The following ASIC2 variants were observed in gnomAD, a reference collection of about 807,000 sequenced individuals.
ASIC2 encodes the protein acid sensing ion channel subunit 2, also known as acid-sensing ion channel 2.
Under a neutral mutation model 57.3 loss-of-function variants are expected in ASIC2, and 25 were observed. That is an observed-to-expected ratio of 0.44 (90% CI 0.32 to 0.61). ASIC2 has a LOEUF of 0.61. ASIC2 is among the 20% of genes least tolerant of loss of function. The probability of loss-of-function intolerance (pLI) is 0.06; values close to 1 mark genes in which losing one functional copy is unlikely to be tolerated. For missense variants in ASIC2, 641 were observed against 738.1 expected (o/e 0.87, Z 1.52); for synonymous variants, 319 against 307.5 (o/e 1.04, Z -0.39).
chr17:33,369,350 T>A (rs575213737), intron 1 of ASIC2, among the ~76,000 whole-genome samples: 2 of 152,322 alleles, frequency 1.3e-5, no homozygotes, highest in South Asian at 4.1e-4. Flanking sequence ...AGTCACCTAA[T>A]TGGAACAAGC....
At chr17:33,829,679 C>A (rs1053448261) in intron 1 of ASIC2, among the ~76,000 whole-genome samples, 9 of 151,494 alleles carry the variant, frequency 5.9e-5, no homozygotes, top group African/African-American at 1.9e-4. Context: ...CAGCTTCAAG[C>A]GATTCTCCTG....
chr17:33,849,187 C>T (rs1254899618), intron 1 of ASIC2, among the ~76,000 whole-genome samples: 1 of 152,184 alleles, frequency 6.6e-6, no homozygotes. Flanking sequence ...AGGTGAGATC[C>T]TGTGCTGAGT....
chr17:33,393,106 G>A (rs1022926853), intron 1 of ASIC2, among the ~76,000 whole-genome samples: 8 of 152,002 alleles, frequency 5.3e-5, no homozygotes, highest in African/African-American at 1.2e-4. Context: ...TGCCTTGTCC[G>A]GTTCATTCTG....
intron 1 of ASIC2, among the ~76,000 whole-genome samples, chr17:33,366,494 T>C (rs1908815082): frequency 6.6e-6 from 1 of 152,246 alleles, no homozygotes; most frequent in South Asian, 2.1e-4. Flanking sequence ...CTCCTACTCA[T>C]GACTCAAAAC....
intron 1 of ASIC2, chr17:33,984,177 G>A (rs1254664372): frequency 6.6e-6 from 1 of 152,214 alleles, no homozygotes; most frequent in East Asian, 1.9e-4. Flanking sequence ...GGAGGGGAGT[G>A]GACACTCACC....
intron 9 of ASIC2, 35 bp downstream of exon 9, chr17:33,015,936 A>G (rs746018164): frequency 1.0e-4 from 164 of 1,611,842 alleles, no homozygotes; most frequent in Non-Finnish European, 1.2e-4. Flanking sequence ...AAGCCAGAGC[A>G]GCAGAACAAC....
intron 1 of ASIC2, among the ~76,000 whole-genome samples, chr17:33,263,367 G>T (rs546693749): frequency 1.3e-5 from 2 of 152,228 alleles, no homozygotes; most frequent in East Asian, 3.8e-4. Context: ...GGCTGCAATT[G>T]TGGGTTTTTT....
chr17:33,496,180 A>G (rs924911884), intron 1 of ASIC2, among the ~76,000 whole-genome samples: 2 of 152,208 alleles, frequency 1.3e-5, no homozygotes, highest in Non-Finnish European at 2.9e-5. Flanking sequence ...AGCCATGGGC[A>G]TTGTCTAGGA....
At chr17:33,041,951 C>T (rs910736779) in intron 3 of ASIC2, among the ~76,000 whole-genome samples, 1 of 152,152 alleles carries the variant, frequency 6.6e-6, no homozygotes, top group African/African-American at 2.4e-5. Context: ...TGTGCCTTGT[C>T]AGCTCCCCTC....
intron 1 of ASIC2, among the ~76,000 whole-genome samples, chr17:33,150,297 C>T (rs1448670555): frequency 6.6e-6 from 1 of 152,208 alleles, no homozygotes. Context: ...GATTCCCTCC[C>T]ACCACCTGCC....
intron 1 of ASIC2, among the ~76,000 whole-genome samples, chr17:33,884,487 C>T (rs970168392): frequency 6.6e-6 from 1 of 152,100 alleles, no homozygotes; most frequent in African/African-American, 2.4e-5. Flanking sequence ...CTGATGGATT[C>T]AGACTCTGAA....
At chr17:33,814,596 G>A (rs576555845) in intron 1 of ASIC2, among the ~76,000 whole-genome samples, 5 of 152,344 alleles carry the variant, frequency 3.3e-5, no homozygotes, top group Admixed American at 1.3e-4. Context: ...TTCTACATTG[G>A]GTGTACAAGT....
At chr17:33,621,006 C>T (rs1419870960) in intron 1 of ASIC2, among the ~76,000 whole-genome samples, 1 of 152,052 alleles carries the variant, frequency 6.6e-6, no homozygotes, top group Non-Finnish European at 1.5e-5. Context: ...CTTGCTGTTT[C>T]CTCCTCCAGG....
chr17:33,723,897 A>G (rs1909463374), intron 1 of ASIC2, among the ~76,000 whole-genome samples: 1 of 152,202 alleles, frequency 6.6e-6, no homozygotes, highest in African/African-American at 2.4e-5. Flanking sequence ...CAACAAAAAT[A>G]AAGAATTTTC....
chr17:33,060,973 G>A (rs1208016475), intron 3 of ASIC2, among the ~76,000 whole-genome samples: 1 of 152,094 alleles, frequency 6.6e-6, no homozygotes. Flanking sequence ...GTCTGTTATT[G>A]GTGTATAAGA....
intron 1 of ASIC2, among the ~76,000 whole-genome samples, chr17:33,983,131 A>T (rs1905687822): frequency 6.6e-6 from 1 of 152,232 alleles, no homozygotes; most frequent in Admixed American, 6.5e-5. Flanking sequence ...CATATAAACA[A>T]GTATACCAGT....
In ASIC2 at chr17:33,429,535, C is replaced by T. The variant is rs571504038; in HGVS notation, c.556-317468G>A. ...CCTCCCGAGTAGCTGGGACTACAGGCGCCTGCCACCATGCCCAGCTAATTG... is the reference window on the plus strand; with the variant it reads ...CCTCCCGAGTAGCTGGGACTACAGGTGCCTGCCACCATGCCCAGCTAATTG... On this transcript the variant is annotated intron_variant, in intron 1 of 9. Coordinates refer to the ASIC2 transcript ENST00000359872. Among the ~76,000 whole-genome samples, 6 of 152,130 alleles carry T rather than the reference C, an allele frequency of 3.9e-5. No homozygotes were observed. The South Asian group carries it at 8.3e-4, about 21-fold the overall frequency.
intron 1 of ASIC2, among the ~76,000 whole-genome samples, chr17:33,584,403 C>T (rs1228560698): frequency 1.3e-5 from 2 of 152,096 alleles, no homozygotes; most frequent in African/African-American, 2.4e-5. Flanking sequence ...TTCCAGTTTA[C>T]CCCAGGACTG....
chr17:33,878,117 T>C (rs1914600245), intron 1 of ASIC2, among the ~76,000 whole-genome samples: 1 of 152,034 alleles, frequency 6.6e-6, no homozygotes, highest in Non-Finnish European at 1.5e-5. Flanking sequence ...TACGTCACCA[T>C]CATCAAAGAC....
Sources: allele counts gnomAD v4.1 joint callset (sites outside exome capture counted in the v4.1 genomes callset), GRCh38; gene constraint gnomAD v4.1.1; transcripts MANE v1.5; gene names NCBI Gene and HGNC (gene_info 2026-07-23, HGNC 2026-07-21).